NEBL: variants seen among roughly 807,000 people sequenced by gnomAD.
NEBL encodes the protein nebulette, also known as LIM and SH3 protein 2.
In NEBL, 122 loss-of-function variants were observed where a neutral mutation model predicts 140.2. The observed-to-expected ratio is 0.87, with a 90% confidence interval of 0.75 to 1.01. The LOEUF is 1.01. NEBL is among the 50% of genes least tolerant of loss of function. The pLI, the probability that NEBL is intolerant of heterozygous loss-of-function variation, is 0.00. For synonymous variants in NEBL, 436 were observed against 398.9 expected (o/e 1.09, Z -1.11); for missense variants, 1,365 against 1,231.3 (o/e 1.11, Z -1.62).
intron 3 of NEBL, among the ~76,000 whole-genome samples, chr10:20,982,246 T>G (rs1435984871): frequency 6.6e-6 from 1 of 152,230 alleles, no homozygotes; most frequent in African/African-American, 2.4e-5. Flanking sequence ...TGTTTAAATA[T>G]TTTTTGACAG....
At chr10:21,126,018 C>T (rs567624047) in intron 2 of NEBL, 2 of 1,614,180 alleles carry the variant, frequency 1.2e-6, no homozygotes, top group Admixed American at 1.7e-5. Flanking sequence ...TGACTCTCCG[C>T]AGCCACCTGG....
intron 3 of NEBL, among the ~76,000 whole-genome samples, chr10:21,235,906 G>C (rs1018579545): frequency 6.6e-6 from 1 of 152,086 alleles, no homozygotes; most frequent in Non-Finnish European, 1.5e-5. Context: ...CTGAAACATA[G>C]GTCATCAGTC....
chr10:21,184,732 TA>T (rs1841437789), intron 3 of NEBL, among the ~76,000 whole-genome samples: 1 of 152,222 alleles, frequency 6.6e-6, no homozygotes, highest in Non-Finnish European at 1.5e-5. Flanking sequence ...AACATAATGT[TA>T]AATAGAATTT....
At chr10:21,127,027 A>C (rs1216944489) in intron 2 of NEBL, among the ~76,000 whole-genome samples, 1 of 151,654 alleles carries the variant, frequency 6.6e-6, no homozygotes, top group Non-Finnish European at 1.5e-5. Flanking sequence ...GACAATATGA[A>C]TATCAAAAGG....
chr10:20,841,756 G>A (rs913104600), intron 12 of NEBL, among the ~76,000 whole-genome samples: 4 of 152,116 alleles, frequency 2.6e-5, no homozygotes, highest in African/African-American at 9.7e-5. Context: ...TTATTGTCCA[G>A]TTGGAATTCA....
chr10:21,235,512 G>C (rs113374751), intron 3 of NEBL, among the ~76,000 whole-genome samples: 1,767 of 152,070 alleles, frequency 0.012, 32 homozygotes, highest in African/African-American at 0.04. Context: ...ACAGGGTTTC[G>C]CCATTATGGA....
chr10:21,042,975 T>C (rs1273799387), intron 2 of NEBL, among the ~76,000 whole-genome samples: 1 of 152,178 alleles, frequency 6.6e-6, no homozygotes, highest in Non-Finnish European at 1.5e-5. Flanking sequence ...TCTTCAAAAA[T>C]AACATTGCCC....
At chr10:21,218,573 G>C (rs1029739560) in intron 3 of NEBL, among the ~76,000 whole-genome samples, 5 of 152,192 alleles carry the variant, frequency 3.3e-5, no homozygotes, top group African/African-American at 1.2e-4. Flanking sequence ...AAATGCAGGA[G>C]TGTTGAGGAG....
In NEBL at chr10:21,107,770, A is replaced by G. The variant is rs143690206; in HGVS notation, c.164+64613T>C. Among the ~76,000 whole-genome samples, 274 of 152,296 alleles carry G rather than the reference A, an allele frequency of 1.8e-3. 11 individuals carry two copies. In the East Asian group the frequency reaches 0.048, roughly 26 times the overall value. ...ACCAGCTCCTCTTTGTACCTCTGGTAGAATTCAGCTGTGAATCCATCTGGT... is the reference window on the plus strand; with the variant it reads ...ACCAGCTCCTCTTTGTACCTCTGGTGGAATTCAGCTGTGAATCCATCTGGT... On this transcript the variant is annotated intron_variant, in intron 2 of 6. Coordinates refer to the NEBL transcript ENST00000417816.
chr10:20,931,315 C>T (rs1468249274), intron 4 of NEBL, among the ~76,000 whole-genome samples: 1 of 152,148 alleles, frequency 6.6e-6, no homozygotes, highest in Non-Finnish European at 1.5e-5. Context: ...ACTGATGTTT[C>T]AGAATCAACT....
intron 3 of NEBL, among the ~76,000 whole-genome samples, chr10:21,183,713 A>G (rs1841421603): frequency 1.3e-5 from 2 of 152,178 alleles, no homozygotes; most frequent in Admixed American, 1.3e-4. Flanking sequence ...CCCCACTTGC[A>G]GGCCGGACAT....
intron 1 of NEBL, among the ~76,000 whole-genome samples, chr10:21,266,168 T>A (rs904270100): frequency 2.0e-5 from 3 of 151,964 alleles, no homozygotes; most frequent in Admixed American, 2.0e-4. Context: ...TGAGATGGGG[T>A]CTCACTCTGT....
Position 20,808,665 on chromosome 10 carries a change from T to G in NEBL, c.2612-6A>C, listed in dbSNP as rs377317796. ...CCTATAGTGACTCGCCTTTTCTATA[T>G]TGGAGGGAAAATATTTACACGTGTG... is the stretch of plus-strand genomic sequence containing the variant. On this transcript the variant is annotated splice_polypyrimidine_tract_variant and splice_region_variant and intron_variant, in intron 25 of 27. Transcript: ENST00000377122. The G allele has an allele frequency of 6.8e-6, 11 of 1,610,858 alleles. No homozygotes were observed. In the Admixed American group the frequency reaches 1.7e-4, roughly 24 times the overall value.
intron 4 of NEBL, among the ~76,000 whole-genome samples, chr10:20,915,516 T>A (rs1431710660): frequency 6.6e-6 from 1 of 151,820 alleles, no homozygotes; most frequent in Non-Finnish European, 1.5e-5. Flanking sequence ...TTTGGTTTTT[T>A]GTTCTTGCGA....
intron 7 of NEBL, among the ~76,000 whole-genome samples, chr10:20,867,535 A>G (rs1844421764): frequency 6.6e-6 from 1 of 152,140 alleles, no homozygotes; most frequent in African/African-American, 2.4e-5. Context: ...ATTTTTACAT[A>G]GTTAATGTGC....
intron 3 of NEBL, among the ~76,000 whole-genome samples, chr10:21,235,561 C>T (rs952374782): frequency 3.3e-5 from 5 of 152,078 alleles, no homozygotes; most frequent in African/African-American, 1.2e-4. Context: ...GCGATGCAGC[C>T]ACCTCAGCCT....
At position 21,186,257 on chromosome 10, in the gene NEBL, AACACACAC is replaced by A. The variant is rs765894739; in HGVS notation, n.349-13788_349-13781del. On this transcript the variant is annotated intron_variant and non_coding_transcript_variant, in intron 3 of 8. Transcript: ENST00000675702. The stretch of plus-strand genomic sequence containing the variant: ...TTTTTAAAAAATTTTTATATATACA[AACACACAC>A]ACACACACACACACACACACACACA... Among the ~76,000 whole-genome samples the A allele has an allele frequency of 4.0e-3, 505 of 124,818 alleles. 3 individuals carry two copies. Among genetic ancestry groups the A allele is most frequent in the African/African-American group, 5.9e-3 (210 of 35,528 alleles). 81.9% of individuals were successfully genotyped at this position (124,818 alleles called of 152,430 possible). A position where few individuals can be genotyped will look rare whatever the true frequency, so the allele number is the denominator to read the frequency against.
At chr10:21,024,643 TA>T (rs1838949012) in intron 2 of NEBL, among the ~76,000 whole-genome samples, 2 of 152,046 alleles carry the variant, frequency 1.3e-5, no homozygotes, top group African/African-American at 4.8e-5. Flanking sequence ...AAATGAAAAT[TA>T]CAATATCTGT....
chr10:20,860,561 CAAAAAG>C lies in NEBL; in HGVS notation c.685-741_685-736del, dbSNP rs1368811804. ...TTAGAATATAAACACAAGTTCACTA[CAAAAAG>C]AAAAAAAAAAAAAAAAAAAACCTAG... On this transcript the variant is annotated intron_variant, in intron 7 of 27. Coordinates refer to ENST00000377122, the MANE Select transcript of NEBL (RefSeq NM_006393.3). Among the ~76,000 whole-genome samples the C allele has an allele frequency of 4.5e-3, 280 of 61,934 alleles. 12 individuals carry two copies. In the East Asian group the frequency reaches 0.099, roughly 22 times the overall value. The allele number at this position is 61,934 out of a possible 152,430, so 40.6% of individuals were successfully genotyped here.
Sources: gnomAD v4.1 joint callset for allele counts (sites outside exome capture counted in the v4.1 genomes callset) on GRCh38, gnomAD v4.1.1 for gene constraint, MANE v1.5 for transcripts, NCBI Gene and HGNC (gene_info 2026-07-23, HGNC 2026-07-21) for gene names.